Variants in RANBP2 observed in about 807,000 individuals in gnomAD.
The protein encoded by RANBP2 is E3 SUMO-protein ligase RanBP2.
In RANBP2, 57 loss-of-function variants were observed where a neutral mutation model predicts 303.6. That is an observed-to-expected ratio of 0.19 (90% CI 0.15 to 0.23). The LOEUF is 0.23. Among genes scored for constraint, RANBP2 ranks in the 10% least tolerant of loss-of-function variants. The probability of loss-of-function intolerance (pLI) is 1.00; values close to 1 mark genes in which losing one functional copy is unlikely to be tolerated. For missense variants in RANBP2, 3,138 were observed against 3,780.8 expected, an observed-to-expected ratio of 0.83 and a Z score of 4.46; for synonymous variants, 1,167 against 1,301.5, an observed-to-expected ratio of 0.90 and a Z score of 2.23.
chr2:109,504,784 A>G, the RANBP2 span, among the ~76,000 whole-genome samples: 14 of 152,184 alleles, frequency 9.2e-5, no homozygotes, highest in Non-Finnish European at 1.3e-4. Context: ...TGTGGGGTGC[A>G]CCGAATCTGT....
the RANBP2 span, among the ~76,000 whole-genome samples, chr2:108,962,694 A>G: frequency 6.7e-6 from 1 of 150,244 alleles, no homozygotes; most frequent in Non-Finnish European, 1.5e-5. Flanking sequence ...AAAAAAAAAA[A>G]AAAAAAAGAG....
At chr2:109,106,862 A>G in the RANBP2 span, among the ~76,000 whole-genome samples, 6 of 151,968 alleles carry the variant, frequency 3.9e-5, no homozygotes, top group Non-Finnish European at 7.4e-5. Context: ...AGAAGAGAAA[A>G]AAGTAATCCT....
chr2:109,571,844 A>G, the RANBP2 span, among the ~76,000 whole-genome samples: 1 of 152,176 alleles, frequency 6.6e-6, no homozygotes, highest in East Asian at 1.9e-4. Context: ...TCTTCCATTT[A>G]TTCCTGAAAA....
Position 108,766,446 on chromosome 2 carries a change from G to A in RANBP2, c.5907G>A (p.Lys1969=), listed in dbSNP as rs1573817257. ...TTGGCAAAAAAGACCCCAATTTCAA[G>A]GGATTTTCAGGTGCTGGAGAAAAAT... ...FQFGKKDPNF[K]GFSGAGEKLF... Residue 1969 remains lysine (K), a synonymous_variant, in exon 20 of 29, where the codon AAG becomes AAA. Transcript: ENST00000283195. 1 of 1,611,962 alleles carries A rather than the reference G, an allele frequency of 6.2e-7. No homozygotes were observed. Among genetic ancestry groups the A allele is most frequent in the Non-Finnish European group, 8.5e-7 (1 of 1,179,840 alleles).
intron 17 of RANBP2, among the ~76,000 whole-genome samples, chr2:108,758,157 C>T (rs1472976104): frequency 1.3e-5 from 2 of 151,998 alleles, no homozygotes; most frequent in Non-Finnish European, 2.9e-5. Flanking sequence ...ATTAGCCAGG[C>T]GTGCTGGCTG....
At chr2:109,567,641 C>T in the RANBP2 span, among the ~76,000 whole-genome samples, 1 of 152,206 alleles carries the variant, frequency 6.6e-6, no homozygotes, top group Admixed American at 6.5e-5. Context: ...TCTCCTTACA[C>T]CTTTTCCAAC....
Position 108,762,283 on chromosome 2 carries a change from C to T in RANBP2, c.2697+88C>T, listed in dbSNP as rs1676785450. On this transcript the variant is annotated intron_variant, in intron 19 of 28. Transcript: ENST00000283195. ...CAAATAAATTCAAGAGAGCAGTTCA[C>T]TATTAAAACTTTTATGTCCCTTAAA... 18 of 1,305,430 alleles carry T rather than the reference C, an allele frequency of 1.4e-5. 1 individual carries two copies. The South Asian group carries it at 1.7e-4, about 12-fold the overall frequency. 80.9% of individuals were successfully genotyped at this position (1,305,430 alleles called of 1,614,324 possible).
the RANBP2 span, among the ~76,000 whole-genome samples, chr2:109,536,266 C>A: frequency 6.6e-6 from 1 of 152,180 alleles, no homozygotes; most frequent in Non-Finnish European, 1.5e-5. Context: ...ATGAAAGCAG[C>A]CACGAGGGAG....
the RANBP2 span, among the ~76,000 whole-genome samples, chr2:109,200,245 C>T: frequency 6.6e-6 from 1 of 152,096 alleles, no homozygotes; most frequent in Non-Finnish European, 1.5e-5. Context: ...CCCTATCCTG[C>T]ACCTGTAGTT....
the RANBP2 span, among the ~76,000 whole-genome samples, chr2:108,925,968 C>A: frequency 6.6e-6 from 1 of 152,156 alleles, no homozygotes; most frequent in African/African-American, 2.4e-5. Context: ...ATGAAACTGT[C>A]CTTCCTCACC....
At chr2:109,211,266 A>T in the RANBP2 span, among the ~76,000 whole-genome samples, 2 of 152,184 alleles carry the variant, frequency 1.3e-5, no homozygotes, top group Non-Finnish European at 2.9e-5. Flanking sequence ...TGGTGAGGGG[A>T]TGTCCTGCCA....
At chr2:109,609,835 T>C in the RANBP2 span, among the ~76,000 whole-genome samples, 1 of 152,024 alleles carries the variant, frequency 6.6e-6, no homozygotes, top group East Asian at 1.9e-4. Context: ...AAGGTAAGGA[T>C]AACTGAAGAA....
the RANBP2 span, among the ~76,000 whole-genome samples, chr2:109,724,539 G>A: frequency 6.6e-6 from 1 of 152,096 alleles, no homozygotes; most frequent in African/African-American, 2.4e-5. Flanking sequence ...GTAGGTGGTG[G>A]GCACACTCCT....
chr2:109,310,646 A>T, the RANBP2 span, among the ~76,000 whole-genome samples: 1 of 63,142 alleles, frequency 1.6e-5, no homozygotes, highest in Non-Finnish European at 2.6e-5. Context: ...ACAATAAAAA[A>T]TGATAAAGGG....
chr2:109,731,847 CTT>C, the RANBP2 span, among the ~76,000 whole-genome samples: 5 of 142,254 alleles, frequency 3.5e-5, no homozygotes, highest in South Asian at 2.2e-4. Flanking sequence ...TTCTCTTTTT[CTT>C]TTTTTTTTTG....
At chr2:109,333,290 G>T in the RANBP2 span, among the ~76,000 whole-genome samples, 2 of 152,208 alleles carry the variant, frequency 1.3e-5, no homozygotes, top group Non-Finnish European at 2.9e-5. Context: ...AAGAGCCCTA[G>T]CATATCCTTG....
At chr2:109,202,189 C>T in the RANBP2 span, among the ~76,000 whole-genome samples, 1 of 152,168 alleles carries the variant, frequency 6.6e-6, no homozygotes, top group Admixed American at 6.5e-5. Context: ...CAACCCTTCT[C>T]TTCCCTCCCT....
the RANBP2 span, among the ~76,000 whole-genome samples, chr2:109,029,544 A>C: frequency 6.6e-6 from 1 of 152,182 alleles, no homozygotes; most frequent in East Asian, 1.9e-4. Context: ...GGTCCTCTCA[A>C]TGAGGGGAAA....
At chr2:109,007,999 C>A in the RANBP2 span, among the ~76,000 whole-genome samples, 1 of 152,252 alleles carries the variant, frequency 6.6e-6, no homozygotes, top group Non-Finnish European at 1.5e-5. Context: ...TGTTTAAACA[C>A]CATGCTTTTA....
Sources: gnomAD v4.1 joint callset for allele counts (sites outside exome capture counted in the v4.1 genomes callset) on GRCh38, gnomAD v4.1.1 for gene constraint, MANE v1.5 for transcripts, NCBI Gene and HGNC (gene_info 2026-07-23, HGNC 2026-07-21) for gene names.